RAD54B: variants seen among roughly 807,000 people sequenced by gnomAD.
The protein encoded by RAD54B is RAD54 homolog B.
Under a neutral mutation model 95.8 loss-of-function variants are expected in RAD54B, and 78 were observed. The ratio of observed to expected loss-of-function variants is 0.81; its 90% CI spans 0.68 to 0.98. RAD54B has a LOEUF of 0.98. Ranked by LOEUF, RAD54B falls within the 50% of genes least tolerant of loss-of-function variation. RAD54B has a pLI of 0.00. For missense variants in RAD54B, 957 were observed against 1,056.6 expected, an observed-to-expected ratio of 0.91 and a Z score of 1.31; for synonymous variants, 328 against 354.9, an observed-to-expected ratio of 0.92 and a Z score of 0.85.
intron 12 of RAD54B, among the ~76,000 whole-genome samples, chr8:94,379,044 T>C (rs375419381): frequency 2.0e-4 from 31 of 152,214 alleles, no homozygotes; most frequent in Non-Finnish European, 8.8e-5. Flanking sequence ...TGGATCCCTG[T>C]GGTTTAAAGA....
intron 3 of RAD54B, among the ~76,000 whole-genome samples, chr8:94,451,589 T>C (rs939410543): frequency 1.3e-5 from 2 of 152,202 alleles, no homozygotes; most frequent in South Asian, 4.1e-4. Flanking sequence ...ATCAAACTTA[T>C]TATCACCAGT....
rs76576123 is a variant in RAD54B at position 94,379,627 on chromosome 8, C to A, written c.2247+518G>T. Among the ~76,000 whole-genome samples the A allele has an allele frequency of 9.9e-5, 15 of 152,250 alleles. No individual in the cohort carries two copies. The East Asian group carries it at 2.9e-3, about 29-fold the overall frequency. ...TAAACCTGAGGGTTGTCTTGGGATC[C>A]CCCAATGCACATACCAACTGAGGTG... On this transcript the variant is annotated intron_variant, in intron 12 of 14. Transcript: ENST00000336148.
chr8:94,399,531 TA>T lies in RAD54B; in HGVS notation c.1260del (p.Lys421ArgfsTer3), dbSNP rs1811217416. 6.2e-7 allele frequency: 1 copy of T among 1,612,948 alleles called. No individual in the cohort carries two copies. On this transcript the variant is annotated frameshift_variant, in exon 8 of 15. Transcript: ENST00000336148. LOFTEE classifies it high-confidence loss of function. ...YEMLLRSLDQ[I>X]KNIKFDLLIC... The stretch of plus-strand genomic sequence containing the variant: ...ATTAGAAGATCAAATTTTATATTCT[TA>T]ATTTGATCCAGGGAACGAAGTAACA...
At chr8:94,379,792 G>A (rs1208165981) in intron 12 of RAD54B, among the ~76,000 whole-genome samples, 1 of 152,202 alleles carries the variant, frequency 6.6e-6, no homozygotes, top group Non-Finnish European at 1.5e-5. Flanking sequence ...CATAGCATCT[G>A]TAACTTTATT....
At chr8:94,413,246 A>C (rs1811572358) in intron 3 of RAD54B, among the ~76,000 whole-genome samples, 1 of 152,218 alleles carries the variant, frequency 6.6e-6, no homozygotes, top group Non-Finnish European at 1.5e-5. Flanking sequence ...AGTAACGTAG[A>C]CTAACCAAAG....
At chr8:94,389,470 T>G (rs1810965899) in intron 10 of RAD54B, among the ~76,000 whole-genome samples, 2 of 152,338 alleles carry the variant, frequency 1.3e-5, no homozygotes, top group Non-Finnish European at 1.5e-5. Context: ...GATAATATCT[T>G]TATACTGTGA....
At chr8:94,395,477 G>A (rs138863295) in intron 8 of RAD54B, among the ~76,000 whole-genome samples, 8 of 152,266 alleles carry the variant, frequency 5.3e-5, no homozygotes, top group South Asian at 2.1e-4. Context: ...TCAGTCAGTC[G>A]TTGATTGCAA....
chr8:94,398,208 T>A (rs1811189743), intron 8 of RAD54B, among the ~76,000 whole-genome samples: 1 of 152,134 alleles, frequency 6.6e-6, no homozygotes, highest in South Asian at 2.1e-4. Flanking sequence ...GTCTTTATCA[T>A]CGTGATTAAA....
chr8:94,429,044 C>T, intron 3 of RAD54B: 1 of 985,024 alleles, frequency 1.0e-6, no homozygotes, highest in Non-Finnish European at 1.2e-6. Flanking sequence ...TGCATTTAAA[C>T]TTTTGCAAAT....
rs1220571697 is a variant in RAD54B at position 94,372,320 on chromosome 8, G to A, written c.2583C>T (p.Asn861=). The A allele has an allele frequency of 6.2e-7, 1 of 1,613,826 alleles. No individual in the cohort carries two copies. The highest frequency in any genetic ancestry group is 8.5e-7 in the Non-Finnish European group (1 of 1,179,896). The change falls in exon 15 of 15, where the codon AAC becomes AAT. Residue 861 remains asparagine (N), a synonymous_variant. Transcript: ENST00000336148. ...GGGACATAGAAAGAGGTTTCAGGGA[G>A]TTAGATTTCTGGTGATGTGGACCAA... ...CQLGPHHQKS[N]SLKPLSMSQL...
At chr8:94,421,179 CTT>C (rs1311733827) in intron 3 of RAD54B, among the ~76,000 whole-genome samples, 8 of 152,144 alleles carry the variant, frequency 5.3e-5, no homozygotes, top group African/African-American at 1.4e-4. Flanking sequence ...ACCAGGAACT[CTT>C]TGTCTATAAA....
chr8:94,432,439 AG>A (rs775967195), intron 3 of RAD54B: 2 of 1,550,454 alleles, frequency 1.3e-6, no homozygotes, highest in South Asian at 2.4e-5. Flanking sequence ...ATATCAACAG[AG>A]GAAAGTGAAG....
chr8:94,414,269 CA>C (rs1442811264), intron 3 of RAD54B, among the ~76,000 whole-genome samples: 2 of 152,196 alleles, frequency 1.3e-5, no homozygotes, highest in Admixed American at 6.5e-5. Context: ...ATGCCGTCTG[CA>C]AACAGGGAAA....
intron 3 of RAD54B, among the ~76,000 whole-genome samples, chr8:94,417,651 G>T (rs1811708264): frequency 6.6e-6 from 1 of 151,614 alleles, no homozygotes. Flanking sequence ...TACACTGCTA[G>T]GTATTCACCA....
chr8:94,439,067 C>T (rs908685512), intron 3 of RAD54B, among the ~76,000 whole-genome samples: 2 of 151,742 alleles, frequency 1.3e-5, no homozygotes, highest in Admixed American at 6.6e-5. Flanking sequence ...ACTCCAGCCT[C>T]GGTGACAGAG....
chr8:94,420,251 ATTTTTTT>A (rs57897762), intron 3 of RAD54B, among the ~76,000 whole-genome samples: 3 of 117,032 alleles, frequency 2.6e-5, no homozygotes, highest in Non-Finnish European at 1.7e-5. Context: ...AGAAAACTTG[ATTTTTTT>A]TTTTTTTTTT....
intron 10 of RAD54B, among the ~76,000 whole-genome samples, chr8:94,388,852 C>T (rs2129978086): frequency 6.6e-6 from 1 of 152,292 alleles, no homozygotes; most frequent in African/African-American, 2.4e-5. Flanking sequence ...GAAAGATCAT[C>T]AAAGGACCAC....
At chr8:94,435,904 C>A (rs1407059533) in intron 3 of RAD54B, among the ~76,000 whole-genome samples, 1 of 152,020 alleles carries the variant, frequency 6.6e-6, no homozygotes, top group Non-Finnish European at 1.5e-5. Flanking sequence ...GGCATTAACT[C>A]CCTTTAGTTG....
intron 10 of RAD54B, among the ~76,000 whole-genome samples, chr8:94,390,123 T>G (rs1162594190): frequency 6.6e-6 from 1 of 152,060 alleles, no homozygotes; most frequent in Non-Finnish European, 1.5e-5. Context: ...GAGGATCACT[T>G]GAGCTCAGGA....
Sources: allele counts gnomAD v4.1 joint callset (sites outside exome capture counted in the v4.1 genomes callset), GRCh38; gene constraint gnomAD v4.1.1; transcripts MANE v1.5; gene names NCBI Gene and HGNC (gene_info 2026-07-23, HGNC 2026-07-21).